Variants in ERC2 observed in about 807,000 individuals in gnomAD.
ERC2 encodes the protein ELKS/RAB6-interacting/CAST family member 2, also known as ERC protein 2.
In ERC2, 42 loss-of-function variants were observed where a neutral mutation model predicts 114.8. That is an observed-to-expected ratio of 0.37 (90% CI 0.29 to 0.47). ERC2 has a LOEUF of 0.47. Ranked by LOEUF, ERC2 falls within the 20% of genes least tolerant of loss-of-function variation. ERC2 has a pLI of 0.99. For synonymous variants in ERC2, 454 were observed against 425.5 expected, an observed-to-expected ratio of 1.07 and a Z score of -0.82; for missense variants, 939 against 1,150.7, an observed-to-expected ratio of 0.82 and a Z score of 2.66.
intron 6 of ERC2, among the ~76,000 whole-genome samples, chr3:56,131,694 G>A (rs2080208164): frequency 6.6e-6 from 1 of 152,150 alleles, no homozygotes; most frequent in African/African-American, 2.4e-5. Flanking sequence ...GGAGAAGAGG[G>A]GTGAGGGGCG....
At chr3:56,236,278 A>AT (rs11337314) in intron 3 of ERC2, among the ~76,000 whole-genome samples, 13 of 150,642 alleles carry the variant, frequency 8.6e-5, no homozygotes, top group African/African-American at 2.9e-4. Flanking sequence ...ATTTCGATAC[A>AT]TTTTTTTTTT....
chr3:56,129,649 T>C (rs1391738863), intron 6 of ERC2, among the ~76,000 whole-genome samples: 7 of 152,218 alleles, frequency 4.6e-5, no homozygotes, highest in African/African-American at 1.7e-4. Flanking sequence ...AGAGGACATG[T>C]ATTTTCTCAC....
intron 12 of ERC2, among the ~76,000 whole-genome samples, chr3:55,985,036 T>C (rs778549437): frequency 3.3e-5 from 5 of 152,250 alleles, no homozygotes; most frequent in Non-Finnish European, 7.3e-5. Flanking sequence ...TGCCTCTCAA[T>C]AGAGCAACTA....
At chr3:55,989,856 A>T (rs1409899731) in intron 11 of ERC2, among the ~76,000 whole-genome samples, 2 of 152,146 alleles carry the variant, frequency 1.3e-5, no homozygotes, top group East Asian at 3.8e-4. Flanking sequence ...TAGTATTACA[A>T]ATAAAACTAC....
Position 55,888,381 on chromosome 3 carries a change from G to C in ERC2, c.2564+8C>G. 1 of 1,613,704 alleles carries C rather than the reference G, an allele frequency of 6.2e-7. No individual in the cohort carries two copies. Among genetic ancestry groups the C allele is most frequent in the Non-Finnish European group, 8.5e-7 (1 of 1,179,732 alleles). ...AGAGAGGCTACCAAAGCAGCAATGGGTACTCACTTCATCTCCAGGATCTCC... is the reference window on the plus strand; with the variant it reads ...AGAGAGGCTACCAAAGCAGCAATGGCTACTCACTTCATCTCCAGGATCTCC... On this transcript the variant is annotated splice_region_variant and intron_variant, in intron 14 of 17. Transcript: ENST00000288221.
chr3:55,752,184 A>G (rs895238484), intron 14 of ERC2, among the ~76,000 whole-genome samples: 8 of 152,196 alleles, frequency 5.3e-5, no homozygotes, highest in Non-Finnish European at 1.2e-4. Flanking sequence ...CCCCATCACT[A>G]GAAACACACC....
chr3:55,994,213 G>C (rs1178812902), intron 10 of ERC2, among the ~76,000 whole-genome samples: 4 of 151,748 alleles, frequency 2.6e-5, no homozygotes, highest in African/African-American at 9.7e-5. Context: ...TAATGACTGA[G>C]TAATGAGCAG....
At chr3:55,975,529 T>C (rs577952861) in intron 12 of ERC2, among the ~76,000 whole-genome samples, 4 of 152,274 alleles carry the variant, frequency 2.6e-5, no homozygotes, top group East Asian at 3.9e-4. Context: ...TTTTGTACTT[T>C]TGTCTTTTAA....
chr3:56,049,054 G>A (rs200071481), intron 7 of ERC2, among the ~76,000 whole-genome samples: 13 of 152,164 alleles, frequency 8.5e-5, no homozygotes, highest in African/African-American at 3.1e-4. Context: ...TGGCCAAAGG[G>A]GGGCAGGCAG....
chr3:56,430,080 A>G (rs2061728953), intron 2 of ERC2, among the ~76,000 whole-genome samples: 1 of 152,242 alleles, frequency 6.6e-6, no homozygotes, highest in Non-Finnish European at 1.5e-5. Context: ...TCTACCCTGT[A>G]ATGGACCTGC....
chr3:56,211,164 C>T (rs894820578), intron 3 of ERC2, among the ~76,000 whole-genome samples: 4 of 152,214 alleles, frequency 2.6e-5, no homozygotes, highest in African/African-American at 7.2e-5. Flanking sequence ...CAAACTGTCG[C>T]TGCTTGCTGA....
chr3:56,308,539 G>A (rs75900630), intron 2 of ERC2, among the ~76,000 whole-genome samples: 5,714 of 152,220 alleles, frequency 0.038, 205 homozygotes, highest in Non-Finnish European at 0.051. Flanking sequence ...TGTATGATGT[G>A]CATGGAACAC....
intron 12 of ERC2, among the ~76,000 whole-genome samples, chr3:55,956,443 C>T (rs2067959625): frequency 8.2e-6 from 1 of 121,702 alleles, no homozygotes; most frequent in South Asian, 2.4e-4. Context: ...GAGATTATTT[C>T]ATTTTTTTTT....
chr3:56,003,540 C>T (rs181538948), intron 10 of ERC2, among the ~76,000 whole-genome samples: 91 of 152,160 alleles, frequency 6.0e-4, no homozygotes, highest in African/African-American at 1.3e-3. Context: ...ATTAATTAAA[C>T]GTTATCATTG....
At chr3:55,852,709 A>G (rs2061627603) in intron 14 of ERC2, 1 of 152,632 alleles carries the variant, frequency 6.6e-6, no homozygotes, top group Non-Finnish European at 1.5e-5. Flanking sequence ...CTCAGTCTGC[A>G]TTTACTCATA....
chr3:55,820,564 C>T lies in ERC2; in HGVS notation c.2564+67825G>A, dbSNP rs1017587040. Among the ~76,000 whole-genome samples, 7 of 152,158 alleles carry T rather than the reference C, an allele frequency of 4.6e-5. No homozygotes were observed. In the East Asian group the frequency reaches 7.7e-4, roughly 17 times the overall value. ...TTCTGAAAGCGTGTGTGTATTCAAC[C>T]GATGCTCTTAACAGACTGCTTTAAA... is the stretch of plus-strand genomic sequence containing the variant. On this transcript the variant is annotated intron_variant, in intron 14 of 17. Coordinates refer to ENST00000288221, the MANE Select transcript of ERC2 (RefSeq NM_015576.3).
chr3:55,587,892 G>A (rs1158473367), intron 17 of ERC2, among the ~76,000 whole-genome samples: 1 of 152,220 alleles, frequency 6.6e-6, no homozygotes, highest in Non-Finnish European at 1.5e-5. Context: ...GAGAAGGGAA[G>A]CCACTTACAC....
intron 2 of ERC2, among the ~76,000 whole-genome samples, chr3:56,421,012 C>T (rs984478814): frequency 6.6e-6 from 1 of 152,040 alleles, no homozygotes; most frequent in Non-Finnish European, 1.5e-5. Context: ...CCATGTGGGT[C>T]CACTATGGTA....
rs565196803 is a variant in ERC2 at position 55,637,086 on chromosome 3, C to T, written c.*39+46708G>A. Among the ~76,000 whole-genome samples, 9 of 152,300 alleles carry T rather than the reference C, an allele frequency of 5.9e-5. No homozygotes were observed. The South Asian group carries it at 1.7e-3, about 28-fold the overall frequency. ...CTGGGGACTGGCCCATCCAGTATAA[C>T]AGCCTGTTGCACCCAGTTCCTCCTG... On this transcript the variant is annotated intron_variant, in intron 17 of 17. Transcript: ENST00000288221.
Sources: gnomAD v4.1 joint callset for allele counts (sites outside exome capture counted in the v4.1 genomes callset) on GRCh38, gnomAD v4.1.1 for gene constraint, MANE v1.5 for transcripts, NCBI Gene and HGNC (gene_info 2026-07-23, HGNC 2026-07-21) for gene names.